SLC5A4: variants seen among roughly 807,000 people sequenced by gnomAD.
SLC5A4 encodes probable glucose sensor protein SLC5A4.
In SLC5A4, 55 loss-of-function variants were observed where a neutral mutation model predicts 70.3. The ratio of observed to expected loss-of-function variants is 0.78; its 90% CI spans 0.63 to 0.98. The LOEUF (loss-of-function observed/expected upper bound fraction) is 0.98. Ranked by LOEUF, SLC5A4 falls within the 50% of genes least tolerant of loss-of-function variation. The probability of loss-of-function intolerance (pLI) is 0.00; values close to 1 mark genes in which losing one functional copy is unlikely to be tolerated. For synonymous variants in SLC5A4, 268 were observed against 305.7 expected (o/e 0.88, Z 1.29); for missense variants, 735 against 839.2 (o/e 0.88, Z 1.53).
chr22:32,287,493 C>A, the SLC5A4 span, among the ~76,000 whole-genome samples: 1 of 151,972 alleles, frequency 6.6e-6, no homozygotes, highest in East Asian at 1.9e-4. Context: ...CCTAACCCTA[C>A]TTCATCATTG....
chr22:32,220,902 A>C lies in SLC5A4; in HGVS notation c.1768+18T>G. The C allele has an allele frequency of 6.5e-7, 1 of 1,544,330 alleles. No homozygotes were observed. The highest frequency in any genetic ancestry group is 9.0e-7 in the Non-Finnish European group (1 of 1,116,438). The stretch of plus-strand genomic sequence containing the variant: ...CACAGAGTTCCTACATGAAAACCAA[A>C]TGTAAACCAAATATTACCTTCTTCA... On this transcript the variant is annotated intron_variant, in intron 14 of 14. Coordinates refer to ENST00000266086, the MANE Select transcript of SLC5A4 (RefSeq NM_014227.3).
chr22:32,270,177 C>A, the SLC5A4 span: 3 of 656,348 alleles, frequency 4.6e-6, no homozygotes, highest in South Asian at 4.5e-5. Context: ...GTCGGGCACA[C>A]AGCTGGCCAC....
rs115473287 is a variant in SLC5A4 at position 32,243,245 on chromosome 22, T to C, written c.478-4155A>G. On this transcript the variant is annotated intron_variant, in intron 5 of 14. Coordinates refer to ENST00000266086, the MANE Select transcript of SLC5A4 (RefSeq NM_014227.3). ...GGCAAATCCAAAAGAAAAATTGTCA[T>C]ATTAAGAAGGGTGGAGTAGGGACTC... Among the ~76,000 whole-genome samples, 1,304 of 152,258 alleles carry C rather than the reference T, an allele frequency of 8.6e-3. 21 individuals carry two copies. The highest frequency in any genetic ancestry group is 0.03 in the African/African-American group (1,247 of 41,544).
chr22:32,310,789 G>A, the SLC5A4 span, among the ~76,000 whole-genome samples: 1 of 152,242 alleles, frequency 6.6e-6, no homozygotes, highest in African/African-American at 2.4e-5. Flanking sequence ...TGGGGCTGTT[G>A]AGAGGATGAA....
chr22:32,352,636 C>G, the SLC5A4 span, among the ~76,000 whole-genome samples: 1 of 152,128 alleles, frequency 6.6e-6, no homozygotes, highest in Non-Finnish European at 1.5e-5. Context: ...TCCTACCCAC[C>G]CCAGGCCAGG....
At chr22:32,312,355 AC>A in the SLC5A4 span, among the ~76,000 whole-genome samples, 1 of 134,710 alleles carries the variant, frequency 7.4e-6, no homozygotes, top group South Asian at 2.6e-4. Context: ...CCCAAATCAC[AC>A]GCGCGCGCGC....
the SLC5A4 span, among the ~76,000 whole-genome samples, chr22:32,341,764 G>A: frequency 1.3e-5 from 2 of 152,160 alleles, no homozygotes. Context: ...AATGCACTCT[G>A]CCTAACGCTG....
the SLC5A4 span, among the ~76,000 whole-genome samples, chr22:32,260,508 CA>C: frequency 7.6e-4 from 95 of 124,832 alleles, no homozygotes; most frequent in Middle Eastern, 4.1e-3. Flanking sequence ...ATTTTGGTGA[CA>C]AAAAAAAAAA....
the SLC5A4 span, among the ~76,000 whole-genome samples, chr22:32,278,537 A>C: frequency 6.6e-6 from 1 of 152,244 alleles, no homozygotes; most frequent in African/African-American, 2.4e-5. Context: ...TTTGGTTAGA[A>C]AATTTCAATC....
chr22:32,343,833 T>G, the SLC5A4 span, among the ~76,000 whole-genome samples: 1 of 152,206 alleles, frequency 6.6e-6, no homozygotes. Context: ...CAATACACAT[T>G]TTAAGGAGTG....
At chr22:32,305,800 C>T in the SLC5A4 span, among the ~76,000 whole-genome samples, 5 of 151,850 alleles carry the variant, frequency 3.3e-5, no homozygotes, top group African/African-American at 1.2e-4. Flanking sequence ...CCAGGGGCCA[C>T]TGAAGGCATG....
the SLC5A4 span, among the ~76,000 whole-genome samples, chr22:32,285,714 T>TTTATC: frequency 2.5e-5 from 2 of 79,466 alleles, no homozygotes; most frequent in East Asian, 8.1e-4. Context: ...TTTTTTTATT[T>TTTATC]TTATTTTATT....
At chr22:32,271,460 C>T in the SLC5A4 span, 2 of 754,242 alleles carry the variant, frequency 2.7e-6, no homozygotes, top group Non-Finnish European at 4.9e-6. Context: ...TCAGCCAGGG[C>T]AATCTCAAAG....
the SLC5A4 span, among the ~76,000 whole-genome samples, chr22:32,282,998 T>C: frequency 6.6e-6 from 1 of 152,216 alleles, no homozygotes; most frequent in African/African-American, 2.4e-5. Flanking sequence ...CAGATTATGC[T>C]GCTCCTCTGC....
At chr22:32,335,313 T>A in the SLC5A4 span, among the ~76,000 whole-genome samples, 1 of 151,580 alleles carries the variant, frequency 6.6e-6, no homozygotes, top group Non-Finnish European at 1.5e-5. Flanking sequence ...GCAACCAGGC[T>A]GGCAACAGAA....
At chr22:32,270,594 C>T in the SLC5A4 span, 1 of 736,680 alleles carries the variant, frequency 1.4e-6, no homozygotes, top group East Asian at 2.5e-5. Context: ...AGCTGGACAC[C>T]AGTGGCTTTG....
At chr22:32,314,141 G>A in the SLC5A4 span, among the ~76,000 whole-genome samples, 3 of 152,160 alleles carry the variant, frequency 2.0e-5, no homozygotes, top group Admixed American at 6.5e-5. Flanking sequence ...TGCATCAGTG[G>A]GAATGTGTAC....
chr22:32,330,395 TGGGGCTCTGGTGTGTTGG>T, the SLC5A4 span, among the ~76,000 whole-genome samples: 2 of 24,234 alleles, frequency 8.3e-5, no homozygotes, highest in Non-Finnish European at 1.4e-4. Context: ...CTCTGTGTAT[TGGGGCTCTGGTGTGTTGG>T]GGGGCTCTGG....
the SLC5A4 span, among the ~76,000 whole-genome samples, chr22:32,306,328 G>A: frequency 2.2e-5 from 2 of 91,378 alleles, no homozygotes; most frequent in Non-Finnish European, 4.6e-5. Context: ...AGCCAGGTGT[G>A]GTGGCAGGTG....
Sources: gnomAD v4.1 joint callset for allele counts (sites outside exome capture counted in the v4.1 genomes callset) on GRCh38, gnomAD v4.1.1 for gene constraint, MANE v1.5 for transcripts, NCBI Gene and HGNC (gene_info 2026-07-23, HGNC 2026-07-21) for gene names.